The following TMEM184B variants were observed in gnomAD, a reference collection of about 807,000 sequenced individuals.
The protein encoded by TMEM184B is transmembrane protein 184B.
In TMEM184B, 17 loss-of-function variants were observed where a neutral mutation model predicts 41.8. That is an observed-to-expected ratio of 0.41 (90% CI 0.28 to 0.61). The LOEUF (loss-of-function observed/expected upper bound fraction) is 0.61, where lower values mean the gene tolerates loss of function less well. TMEM184B is among the 20% of genes least tolerant of loss of function. The pLI is 0.34. For synonymous variants in TMEM184B, 240 were observed against 229.5 expected, an observed-to-expected ratio of 1.05 and a Z score of -0.41; for missense variants, 393 against 557.8, an observed-to-expected ratio of 0.70 and a Z score of 2.98.
Position 38,219,300 on chromosome 22 carries a change from A to G in TMEM184B, c.*2169T>C. On this transcript the variant is annotated 3_prime_UTR_variant, in exon 9 of 9. Transcript: ENST00000361906. The stretch of plus-strand genomic sequence containing the variant: ...ACCTCACCCACAGGCAGAGATTTCA[A>G]TACAATCTATATTATCTCATATATA... 2 of 985,742 alleles carry G rather than the reference A, an allele frequency of 2.0e-6. No homozygotes were observed. Among genetic ancestry groups the G allele is most frequent in the Non-Finnish European group, 2.4e-6 (2 of 829,942 alleles). The allele number at this position is 985,742 out of a possible 1,614,324, so 61.1% of individuals were successfully genotyped here.
rs755912061 is a variant in TMEM184B at position 38,230,666 on chromosome 22, C to T, written c.525+3G>A. Reference sequence around the variant, plus strand: ...GAGCTAGGCAGCTGCTGGGGGCACACACCTGTTTGCAGAACCTCAGAAATC... The same window carrying T: ...GAGCTAGGCAGCTGCTGGGGGCACATACCTGTTTGCAGAACCTCAGAAATC... On this transcript the variant is annotated splice_donor_region_variant and intron_variant, in intron 5 of 8. Coordinates refer to ENST00000361906, the MANE Select transcript of TMEM184B (RefSeq NM_012264.5). The T allele has an allele frequency of 5.6e-6, 9 of 1,609,286 alleles. No individual in the cohort carries two copies. Among genetic ancestry groups the T allele is most frequent in the African/African-American group, 1.3e-5 (1 of 75,008 alleles).
intron 3 of TMEM184B, among the ~76,000 whole-genome samples, chr22:38,240,623 C>G (rs1162462172): frequency 6.6e-6 from 1 of 151,612 alleles, no homozygotes; most frequent in Non-Finnish European, 1.5e-5. Flanking sequence ...ACTGGAAGGG[C>G]CCGCCAGGTT....
intron 3 of TMEM184B, among the ~76,000 whole-genome samples, chr22:38,237,319 C>T (rs868625327): frequency 6.6e-6 from 1 of 152,240 alleles, no homozygotes. Flanking sequence ...CACGTTTCTG[C>T]GTGCAGCTCC....
Position 38,248,009 on chromosome 22 carries a change from G to T in TMEM184B, c.-48C>A. 1 of 1,520,308 alleles carries T rather than the reference G, an allele frequency of 6.6e-7. No individual in the cohort carries two copies. The highest frequency in any genetic ancestry group is 8.8e-7 in the Non-Finnish European group (1 of 1,138,086). 94.2% of individuals were successfully genotyped at this position (1,520,308 alleles called of 1,614,324 possible). A position where few individuals can be genotyped will look rare whatever the true frequency, so the allele number is the denominator to read the frequency against. On this transcript the variant is annotated 5_prime_UTR_variant, in exon 2 of 9. Transcript: ENST00000361906. ...CCTGAGGGAAACCTTTGCAGAAAGTGACAAGCTAGCCTAGAGAGAAGAAAT... is the reference window on the plus strand; with the variant it reads ...CCTGAGGGAAACCTTTGCAGAAAGTTACAAGCTAGCCTAGAGAGAAGAAAT...
In TMEM184B at chr22:38,226,443, T is replaced by C. The variant is rs1178622658; in HGVS notation, c.617+336A>G. The C allele has an allele frequency of 7.0e-6, 2 of 284,422 alleles. No individual in the cohort carries two copies. The highest frequency in any genetic ancestry group is 1.4e-5 in the Non-Finnish European group (2 of 142,142). The allele number at this position is 284,422 out of a possible 1,614,324, so 17.6% of individuals were successfully genotyped here. On this transcript the variant is annotated intron_variant, in intron 6 of 8. Transcript: ENST00000361906. The surrounding 1 kb of genome is among the most constrained non-coding windows in gnomAD (Gnocchi z 4.6). ...GTGGACAATTTACACAGCACGGGCT[T>C]TGTATCTGTGGACTTGAGCCGACCT...
intron 1 of TMEM184B, 132 bp from the exon 2 acceptor site, chr22:38,248,151 G>A: frequency 2.4e-6 from 3 of 1,262,010 alleles, no homozygotes; most frequent in Non-Finnish European, 3.2e-6. Flanking sequence ...GTCCCAGCCA[G>A]CCTCTCCCCT....
chr22:38,256,628 T>C (rs1053299338), intron 1 of TMEM184B, among the ~76,000 whole-genome samples: 4 of 152,202 alleles, frequency 2.6e-5, no homozygotes, highest in African/African-American at 9.6e-5. Flanking sequence ...GAAAAATCTG[T>C]TGTTCTGCTG....
At chr22:38,248,214 A>C (rs1249030254) in intron 1 of TMEM184B, among the ~76,000 whole-genome samples, 195 bp from the exon 2 acceptor site, 2 of 151,994 alleles carry the variant, frequency 1.3e-5, no homozygotes, top group East Asian at 3.9e-4. Context: ...CCCTGCCTCT[A>C]ATGACCAGTC....
At chr22:38,237,227 A>G (rs545189774) in intron 3 of TMEM184B, among the ~76,000 whole-genome samples, 1 of 152,282 alleles carries the variant, frequency 6.6e-6, no homozygotes, top group South Asian at 2.1e-4. Flanking sequence ...GCTTACAGAT[A>G]AGGAAATTCA....
chr22:38,257,508 A>C (rs1288838254), intron 1 of TMEM184B, among the ~76,000 whole-genome samples: 2 of 152,152 alleles, frequency 1.3e-5, no homozygotes, highest in Non-Finnish European at 2.9e-5. Flanking sequence ...CCCAGTCTCT[A>C]AACAAGCCGA....
In TMEM184B at chr22:38,239,878, C is replaced by T. The variant is rs897180366; in HGVS notation, c.358+6057G>A. On this transcript the variant is annotated intron_variant, in intron 3 of 8. Coordinates refer to ENST00000361906, the MANE Select transcript of TMEM184B (RefSeq NM_012264.5). The surrounding 1 kb of genome is among the most constrained non-coding windows in gnomAD (Gnocchi z 4.6). ...AAGGCTTCATTTGGTACCTGCCCCCCATGCTGCATACAAACAGCCAAGGAA... is the reference window on the plus strand; with the variant it reads ...AAGGCTTCATTTGGTACCTGCCCCCTATGCTGCATACAAACAGCCAAGGAA... 2.0e-5 allele frequency among the ~76,000 whole-genome samples: 3 copies of T among 152,126 alleles called. No individual in the cohort carries two copies. The highest frequency in any genetic ancestry group is 6.5e-5 in the Admixed American group (1 of 15,278).
rs1285466008 is a variant in TMEM184B, at chr22:38,239,937, C to A, written c.358+5998G>T. 6.6e-6 allele frequency among the ~76,000 whole-genome samples: 1 copy of A among 151,834 alleles called. No individual in the cohort carries two copies. The highest frequency in any genetic ancestry group is 1.5e-5 in the Non-Finnish European group (1 of 67,980). On this transcript the variant is annotated intron_variant, in intron 3 of 8. Coordinates refer to ENST00000361906, the MANE Select transcript of TMEM184B (RefSeq NM_012264.5). This position sits in a 1 kb window ranked among gnomAD's most constrained non-coding sequence, Gnocchi z 4.6. The stretch of plus-strand genomic sequence containing the variant: ...TGTTCCATCACCCAATCAGGAGGTC[C>A]AGCAATTTTTTTTTTTTCTGGGGCG...
intron 1 of TMEM184B, among the ~76,000 whole-genome samples, chr22:38,250,089 G>A (rs933836886): frequency 6.6e-6 from 1 of 152,238 alleles, no homozygotes; most frequent in Admixed American, 6.5e-5. Context: ...CAACCTAGAT[G>A]ATCTCATGGT....
intron 1 of TMEM184B, among the ~76,000 whole-genome samples, chr22:38,259,939 CTTTTTT>C (rs60704295): frequency 2.3e-5 from 2 of 87,396 alleles, no homozygotes; most frequent in Admixed American, 1.4e-4. Context: ...CCACGCCTGG[CTTTTTT>C]TTTTTTTTTT....
chr22:38,253,133 C>G (rs981114585), intron 1 of TMEM184B, among the ~76,000 whole-genome samples: 1 of 152,084 alleles, frequency 6.6e-6, no homozygotes, highest in African/African-American at 2.4e-5. Context: ...CAGAGCCAGA[C>G]GCAGTCTCAA....
At chr22:38,255,385 G>A (rs1265225693) in intron 1 of TMEM184B, among the ~76,000 whole-genome samples, 1 of 151,724 alleles carries the variant, frequency 6.6e-6, no homozygotes, top group African/African-American at 2.4e-5. Flanking sequence ...TATTGGCCAG[G>A]CTGGTCTTGA....
chr22:38,272,951 G>A lies in TMEM184B; in HGVS notation c.-126C>T, dbSNP rs1441194080. On this transcript the variant is annotated 5_prime_UTR_variant, in exon 1 of 9. Coordinates refer to ENST00000361906, the MANE Select transcript of TMEM184B (RefSeq NM_012264.5). ...GGCAGCCGGACTCTGCGGGCGGGGC[G>A]GGCGGCGCCGCAGCCCCGGAGTCTC... 2 of 398,434 alleles carry A rather than the reference G, an allele frequency of 5.0e-6. No individual in the cohort carries two copies. The highest frequency in any genetic ancestry group is 6.8e-6 in the Non-Finnish European group (2 of 294,076). The allele number at this position is 398,434 out of a possible 1,614,324, so 24.7% of individuals were successfully genotyped here. A position where few individuals can be genotyped will look rare whatever the true frequency, so the allele number is the denominator to read the frequency against.
In TMEM184B at chr22:38,239,768, G is replaced by C. The variant is rs112339917; in HGVS notation, c.358+6167C>G. 6.6e-6 allele frequency among the ~76,000 whole-genome samples: 1 copy of C among 152,150 alleles called. No homozygotes were observed. The highest frequency in any genetic ancestry group is 1.5e-5 in the Non-Finnish European group (1 of 68,020). On this transcript the variant is annotated intron_variant, in intron 3 of 8. Transcript: ENST00000361906. The surrounding 1 kb of genome is among the most constrained non-coding windows in gnomAD (Gnocchi z 4.6). ...AGAGGTCCTCTCAGATCTCTGCCAC[G>C]CTGTACCAGTCACTCAGCCTGTGCA...
chr22:38,254,517 T>G (rs2092240006), intron 1 of TMEM184B, among the ~76,000 whole-genome samples: 1 of 152,000 alleles, frequency 6.6e-6, no homozygotes, highest in South Asian at 2.1e-4. Context: ...GAACAATCGC[T>G]TGAACCCGGG....
Sources: gnomAD v4.1 joint callset for allele counts (sites outside exome capture counted in the v4.1 genomes callset) on GRCh38, gnomAD v4.1.1 for gene constraint, Gnocchi (gnomAD v3.1) non-coding constraint, MANE v1.5 for transcripts, NCBI Gene and HGNC (gene_info 2026-07-23, HGNC 2026-07-21) for gene names.